The following SIPA1L2 variants were observed in gnomAD, a reference collection of about 807,000 sequenced individuals.
SIPA1L2 encodes the protein signal-induced proliferation-associated 1-like protein 2.
SIPA1L2 carries 56 observed loss-of-function variants against 163.9 expected under a neutral mutation model. The ratio of observed to expected loss-of-function variants is 0.34; its 90% CI spans 0.28 to 0.43. The LOEUF is 0.43. Among genes scored for constraint, SIPA1L2 ranks in the 20% least tolerant of loss-of-function variants. The probability of loss-of-function intolerance (pLI) is 1.00; values close to 1 mark genes in which losing one functional copy is unlikely to be tolerated. For synonymous variants in SIPA1L2, 877 were observed against 865.7 expected, an observed-to-expected ratio of 1.01 and a Z score of -0.23; for missense variants, 1,974 against 2,193.5, an observed-to-expected ratio of 0.90 and a Z score of 2.00.
intron 2 of SIPA1L2, among the ~76,000 whole-genome samples, chr1:232,539,201 T>C (rs1657491952): frequency 6.6e-6 from 1 of 152,228 alleles, no homozygotes; most frequent in Non-Finnish European, 1.5e-5. Context: ...CTGTCTAACC[T>C]GATGCCAGTT....
chr1:232,398,780 CT>C lies in SIPA1L2; in HGVS notation c.*346del, dbSNP rs1240309371. On this transcript the variant is annotated 3_prime_UTR_variant, in exon 23 of 23. Coordinates refer to ENST00000674635, the MANE Select transcript of SIPA1L2 (RefSeq NM_020808.5). ...TTGCTTTACATCTCTACCAGGTCACCTGATATACAGGAAATAAAACTCAACT... is the reference window on the plus strand; with the variant it reads ...TTGCTTTACATCTCTACCAGGTCACCGATATACAGGAAATAAAACTCAACT... 4.0e-5 allele frequency: 8 copies of C among 198,542 alleles called. No individual in the cohort carries two copies. The highest frequency in any genetic ancestry group is 6.2e-5 in the Non-Finnish European group (6 of 97,254). The allele number at this position is 198,542 out of a possible 1,614,324, so 12.3% of individuals were successfully genotyped here. A position where few individuals can be genotyped will look rare whatever the true frequency, so the allele number is the denominator to read the frequency against.
chr1:232,552,368 C>A (rs989616305), intron 2 of SIPA1L2, among the ~76,000 whole-genome samples: 3 of 151,934 alleles, frequency 2.0e-5, no homozygotes, highest in Non-Finnish European at 4.4e-5. Flanking sequence ...TGGTAACTTG[C>A]CTGACACAGA....
Position 232,513,999 on chromosome 1 carries a change from G to A in SIPA1L2, c.1341C>T (p.Ser447=). 2 of 1,614,212 alleles carry A rather than the reference G, an allele frequency of 1.2e-6. No individual in the cohort carries two copies. The highest frequency in any genetic ancestry group is 1.3e-5 in the African/African-American group (1 of 75,066). ...AGACACCTGCATTTGTGCAGTGAGA[G>A]CTGAGTGACGATTCGAAAGAGCAGC... The part of the protein sequence containing the change: ...GESCSFESSL[S]SHCTNAGVSV... The change falls in exon 3 of 23, where the codon AGC becomes AGT. Residue 447 remains serine (S), a synonymous_variant. Coordinates refer to ENST00000674635, the MANE Select transcript of SIPA1L2 (RefSeq NM_020808.5).
At chr1:232,409,483 T>C (rs542424033) in intron 19 of SIPA1L2, among the ~76,000 whole-genome samples, 2 of 152,212 alleles carry the variant, frequency 1.3e-5, no homozygotes, top group South Asian at 4.1e-4. Flanking sequence ...AGAGGTAGAG[T>C]CTATGTTGCA....
At chr1:232,530,048 T>C (rs1667898066) in intron 2 of SIPA1L2, among the ~76,000 whole-genome samples, 1 of 152,130 alleles carries the variant, frequency 6.6e-6, no homozygotes, top group Non-Finnish European at 1.5e-5. Flanking sequence ...TGAACCAACC[T>C]GTTTCTCCTG....
chr1:232,554,775 G>A (rs543059001), intron 2 of SIPA1L2, among the ~76,000 whole-genome samples: 5 of 152,260 alleles, frequency 3.3e-5, no homozygotes, highest in South Asian at 2.1e-4. Flanking sequence ...GGCATTCCAC[G>A]GAGTTTCTTG....
chr1:232,579,134 C>G (rs994898255), intron 1 of SIPA1L2, among the ~76,000 whole-genome samples: 1 of 152,142 alleles, frequency 6.6e-6, no homozygotes, highest in Non-Finnish European at 1.5e-5. Context: ...TTGTTCTTAC[C>G]AGCAGGTTCA....
At chr1:232,436,714 C>T (rs187761224) in intron 15 of SIPA1L2, among the ~76,000 whole-genome samples, 184 of 152,294 alleles carry the variant, frequency 1.2e-3, no homozygotes, top group African/African-American at 4.0e-3. Flanking sequence ...TAATGAGTCA[C>T]CTGCCTTTCA....
At chr1:232,420,799 C>T (rs1226664685) in intron 18 of SIPA1L2, among the ~76,000 whole-genome samples, 1 of 152,190 alleles carries the variant, frequency 6.6e-6, no homozygotes, top group African/African-American at 2.4e-5. Context: ...TGTGCCACTG[C>T]ACTCCGGCCT....
intron 2 of SIPA1L2, among the ~76,000 whole-genome samples, chr1:232,543,965 G>A (rs1452887716): frequency 1.3e-5 from 2 of 152,192 alleles, no homozygotes; most frequent in Non-Finnish European, 2.9e-5. Context: ...GAGGGAGGGG[G>A]TTGGTGCCCC....
intron 8 of SIPA1L2, among the ~76,000 whole-genome samples, chr1:232,468,368 C>A (rs1290041834): frequency 6.6e-6 from 1 of 152,178 alleles, no homozygotes; most frequent in East Asian, 1.9e-4. Flanking sequence ...GGCCTGCTGG[C>A]CAAAGGACAA....
At chr1:232,424,313 T>A (rs1480603123) in intron 18 of SIPA1L2, among the ~76,000 whole-genome samples, 2 of 77,818 alleles carry the variant, frequency 2.6e-5, no homozygotes, top group African/African-American at 5.2e-5. Context: ...TTTTTTTAAG[T>A]GAAGCTAACA....
At chr1:232,545,944 T>A (rs535461654) in intron 2 of SIPA1L2, among the ~76,000 whole-genome samples, 148 of 152,362 alleles carry the variant, frequency 9.7e-4, no homozygotes, top group African/African-American at 3.5e-3. Flanking sequence ...GAATGTAAAT[T>A]ATGTACAGAC....
At chr1:232,519,940 T>A (rs1383001349) in intron 2 of SIPA1L2, among the ~76,000 whole-genome samples, 1 of 152,218 alleles carries the variant, frequency 6.6e-6, no homozygotes, top group Admixed American at 6.5e-5. Flanking sequence ...GAGACTCATT[T>A]AATACCTTCC....
At chr1:232,616,581 AATC>A (rs1662509729) in intron 1 of SIPA1L2, among the ~76,000 whole-genome samples, 1 of 152,206 alleles carries the variant, frequency 6.6e-6, no homozygotes, top group Non-Finnish European at 1.5e-5. Context: ...AAGGAACCTG[AATC>A]CACACGTGTC....
At position 232,564,234 on chromosome 1, in the gene SIPA1L2, TCG is replaced by T. The variant is rs1491227456; in HGVS notation, c.-270+9938_-270+9939del. On this transcript the variant is annotated intron_variant, in intron 2 of 22. Coordinates refer to ENST00000674635, the MANE Select transcript of SIPA1L2 (RefSeq NM_020808.5). ...TGAACGACAAAGGTTTTTTTTTTTT[TCG>T]TGTGTGTGTGTGTGTGTGTGTGTGT... Among the ~76,000 whole-genome samples the T allele has an allele frequency of 3.1e-4, 14 of 45,530 alleles. 1 individual carries two copies. The highest frequency in any genetic ancestry group is 1.5e-3 in the East Asian group (2 of 1,306). 29.9% of individuals were successfully genotyped at this position (45,530 alleles called of 152,430 possible).
At chr1:232,527,731 T>TC in intron 2 of SIPA1L2, among the ~76,000 whole-genome samples, 1 of 132,054 alleles carries the variant, frequency 7.6e-6, no homozygotes, top group Middle Eastern at 3.8e-3. Context: ...TCTTCTTTTT[T>TC]TTTTTTTTTT....
intron 15 of SIPA1L2, among the ~76,000 whole-genome samples, chr1:232,435,512 C>T (rs1226331740): frequency 3.9e-5 from 6 of 152,140 alleles, no homozygotes; most frequent in Non-Finnish European, 7.4e-5. Flanking sequence ...GCTCTTCTTT[C>T]GGAGTTATAC....
At chr1:232,485,494 A>T (rs1037104661) in intron 5 of SIPA1L2, among the ~76,000 whole-genome samples, 1 of 152,252 alleles carries the variant, frequency 6.6e-6, no homozygotes, top group Non-Finnish European at 1.5e-5. Flanking sequence ...TAAGTCAATG[A>T]GATACCACAT....
Sources: allele counts gnomAD v4.1 joint callset (sites outside exome capture counted in the v4.1 genomes callset), GRCh38; gene constraint gnomAD v4.1.1; transcripts MANE v1.5; gene names NCBI Gene and HGNC (gene_info 2026-07-23, HGNC 2026-07-21).